NUP214: variants seen among roughly 807,000 people sequenced by gnomAD.
NUP214 encodes nucleoporin 214, also known as nuclear pore complex protein Nup214.
In NUP214, 79 loss-of-function variants were observed where a neutral mutation model predicts 196.2. The observed-to-expected ratio is 0.40, with a 90% CI of 0.34 to 0.49. The LOEUF (loss-of-function observed/expected upper bound fraction) is 0.49, where lower values mean the gene tolerates loss of function less well. Ranked by LOEUF, NUP214 falls within the 20% of genes least tolerant of loss-of-function variation. The pLI, the probability that NUP214 is intolerant of heterozygous loss-of-function variation, is 0.58. For missense variants in NUP214, 2,468 were observed against 2,539.0 expected, an observed-to-expected ratio of 0.97 and a Z score of 0.60; for synonymous variants, 1,020 against 990.5, an observed-to-expected ratio of 1.03 and a Z score of -0.56.
chr9:131,133,617 T>G (rs898997036), intron 7 of NUP214: 1 of 153,986 alleles, frequency 6.5e-6, no homozygotes, highest in Non-Finnish European at 1.4e-5. Context: ...TTTCAGGTTC[T>G]TTTACTTACT....
At chr9:131,148,634 T>C (rs534186896) in intron 14 of NUP214, among the ~76,000 whole-genome samples, 2 of 152,350 alleles carry the variant, frequency 1.3e-5, no homozygotes, top group African/African-American at 4.8e-5. Context: ...TGTATTTCTC[T>C]AATGATTAGC....
intron 1 of NUP214, among the ~76,000 whole-genome samples, chr9:131,126,683 T>C (rs572147416): frequency 5.7e-4 from 86 of 151,876 alleles, no homozygotes; most frequent in Non-Finnish European, 1.1e-3. Flanking sequence ...TAGTAGCTGG[T>C]ATTACAGGCG....
rs539221230 is a variant in NUP214, at chr9:131,145,999, G to A, written c.1770-130G>A. ...TAGCTAAACATTTTTGTTTCCTGAA[G>A]GCAAAAAGTATGTTATCTTTGTAAG... On this transcript the variant is annotated intron_variant, in intron 12 of 35. Coordinates refer to ENST00000359428, the MANE Select transcript of NUP214 (RefSeq NM_005085.4). The A allele has an allele frequency of 2.4e-4, 210 of 884,152 alleles. No homozygotes were observed. The highest frequency in any genetic ancestry group is 1.0e-3 in the Middle Eastern group (3 of 2,880). 54.8% of individuals were successfully genotyped at this position (884,152 alleles called of 1,614,324 possible).
At chr9:131,194,758 A>G (rs1245589914) in intron 27 of NUP214, among the ~76,000 whole-genome samples, 8 of 152,188 alleles carry the variant, frequency 5.3e-5, no homozygotes, top group African/African-American at 1.7e-4. Context: ...TGTTTTCCCT[A>G]GCAGTGTGGG....
Position 131,233,719 on chromosome 9 carries a change from T to A in NUP214, c.*232T>A. On this transcript the variant is annotated 3_prime_UTR_variant, in exon 36 of 36. Coordinates refer to ENST00000359428, the MANE Select transcript of NUP214 (RefSeq NM_005085.4). ...GTTTCCGTACAGAACGTATGTGGGT[T>A]TTTTCAGATCACAGCCAAGAAGATT... is the stretch of plus-strand genomic sequence containing the variant. 1 of 552,028 alleles carries A rather than the reference T, an allele frequency of 1.8e-6. No homozygotes were observed. The highest frequency in any genetic ancestry group is 3.3e-5 in the East Asian group (1 of 30,288). 34.2% of individuals were successfully genotyped at this position (552,028 alleles called of 1,614,324 possible). A position where few individuals can be genotyped will look rare whatever the true frequency, so the allele number is the denominator to read the frequency against.
At chr9:131,147,433 T>C in intron 13 of NUP214, 57 bp from the exon 14 acceptor site, 2 of 1,237,542 alleles carry the variant, frequency 1.6e-6, no homozygotes, top group Non-Finnish European at 2.3e-6. Flanking sequence ...ACATTTGTGA[T>C]AGGAGAAATA....
chr9:131,146,094 G>A lies in NUP214; in HGVS notation c.1770-35G>A. On this transcript the variant is annotated intron_variant, in intron 12 of 35. Coordinates refer to ENST00000359428, the MANE Select transcript of NUP214 (RefSeq NM_005085.4). This position sits in a 1 kb window ranked among gnomAD's most constrained non-coding sequence, Gnocchi z 4.6. ...GCTAGTGTAAAAGAATCTTCTAGCA[G>A]GCTCTTCTGAGGCCTTCAGGCTGCC... The A allele has an allele frequency of 6.2e-7, 1 of 1,602,722 alleles. No homozygotes were observed. The highest frequency in any genetic ancestry group is 8.5e-7 in the Non-Finnish European group (1 of 1,170,362).
At chr9:131,129,586 C>G in intron 4 of NUP214, 109 bp downstream of exon 4, 1 of 1,019,080 alleles carries the variant, frequency 9.8e-7, no homozygotes, top group Admixed American at 2.1e-5. Flanking sequence ...TTTTTTTTTT[C>G]ATGACGAGGG....
At chr9:131,178,214 C>A in intron 23 of NUP214, 97 bp from the exon 24 acceptor site, 2 of 839,514 alleles carry the variant, frequency 2.4e-6, no homozygotes, top group South Asian at 1.5e-5. Flanking sequence ...CTCTAATCTG[C>A]TTGGGCTCAT....
chr9:131,129,746 G>A (rs1449885174), intron 4 of NUP214, among the ~76,000 whole-genome samples: 1 of 152,046 alleles, frequency 6.6e-6, no homozygotes, highest in African/African-American at 2.4e-5. Context: ...TGGGATTATA[G>A]ACATGCGCCA....
At chr9:131,220,732 T>G (rs1035004025) in intron 31 of NUP214, among the ~76,000 whole-genome samples, 3 of 152,226 alleles carry the variant, frequency 2.0e-5, no homozygotes, top group African/African-American at 7.2e-5. Flanking sequence ...GATAGTTAAG[T>G]CCTTGCCCAG....
intron 30 of NUP214, among the ~76,000 whole-genome samples, chr9:131,208,744 A>G (rs921256849): frequency 6.8e-6 from 1 of 146,230 alleles, no homozygotes; most frequent in Non-Finnish European, 1.5e-5. Context: ...TCGGCTGGGC[A>G]TGGTGGCTCA....
Position 131,232,222 on chromosome 9 carries a change from G to A in NUP214, c.6215-62G>A, listed in dbSNP as rs2131114729. On this transcript the variant is annotated intron_variant, in intron 34 of 35. Transcript: ENST00000359428. This position sits in a 1 kb window ranked among gnomAD's most constrained non-coding sequence, Gnocchi z 5.1. ...CAGAGGAGGGCAGACACTTAGCATG[G>A]GGACCACCTTTGTCTTTCGAGTGGA... 6.3e-7 allele frequency: 1 copy of A among 1,590,136 alleles called. No homozygotes were observed. The highest frequency in any genetic ancestry group is 1.7e-4 in the Middle Eastern group (1 of 6,014).
chr9:131,137,933 A>T (rs543483356), intron 9 of NUP214, among the ~76,000 whole-genome samples: 20 of 152,204 alleles, frequency 1.3e-4, no homozygotes, highest in African/African-American at 4.6e-4. Flanking sequence ...TCCAGTTGTT[A>T]TCTGCGTCTT....
At chr9:131,138,857 G>A (rs1375004817) in intron 9 of NUP214, among the ~76,000 whole-genome samples, 1 of 152,202 alleles carries the variant, frequency 6.6e-6, no homozygotes, top group Non-Finnish European at 1.5e-5. Flanking sequence ...AAAGACTGCA[G>A]TAGAGATCAG....
At position 131,233,995 on chromosome 9, in the gene NUP214, G is replaced by A. The variant is rs994256997; in HGVS notation, c.*508G>A. The A allele has an allele frequency of 1.1e-5, 3 of 274,260 alleles. No homozygotes were observed. The Admixed American group carries it at 1.5e-4, about 14-fold the overall frequency. 17.0% of individuals were successfully genotyped at this position (274,260 alleles called of 1,614,324 possible). A position where few individuals can be genotyped will look rare whatever the true frequency, so the allele number is the denominator to read the frequency against. The stretch of plus-strand genomic sequence containing the variant: ...GCCATTGTGTATCAGGACCATCCAA[G>A]GACGCACTCTGCGATTGAGTGGAGG... On this transcript the variant is annotated 3_prime_UTR_variant, in exon 36 of 36. Coordinates refer to ENST00000359428, the MANE Select transcript of NUP214 (RefSeq NM_005085.4).
At chr9:131,147,372 A>G in intron 13 of NUP214, 118 bp from the exon 14 acceptor site, 1 of 723,632 alleles carries the variant, frequency 1.4e-6, no homozygotes, top group Non-Finnish European at 2.4e-6. Flanking sequence ...ATAAATCATG[A>G]AAGTGGGCCA....
intron 6 of NUP214, 173 bp downstream of exon 6, chr9:131,132,832 C>T (rs894584445): frequency 1.9e-5 from 12 of 640,516 alleles, no homozygotes; most frequent in African/African-American, 1.8e-4. Flanking sequence ...CTCTGGGTGA[C>T]ATCTGTGTTT....
In NUP214 at chr9:131,198,306, A is replaced by G. The variant is rs1449482829; in HGVS notation, c.4812A>G (p.Ala1604=). The change falls in exon 29 of 36, where the codon GCA becomes GCG. Residue 1604 remains alanine, a synonymous_variant. Coordinates refer to ENST00000359428, the MANE Select transcript of NUP214 (RefSeq NM_005085.4). ...TCACAGCAGCTGCTATCTCAAGTGC[A>G]GGCCCTGTGGCCGTCGAAACATCAA... ...TAVTAAAISS[A]GPVAVETSST... is the part of the protein sequence containing the mutation. 1.2e-6 allele frequency: 2 copies of G among 1,614,234 alleles called. No individual in the cohort carries two copies. The highest frequency in any genetic ancestry group is 1.7e-6 in the Non-Finnish European group (2 of 1,180,024).
Sources: gnomAD v4.1 joint callset for allele counts (sites outside exome capture counted in the v4.1 genomes callset) on GRCh38, gnomAD v4.1.1 for gene constraint, Gnocchi (gnomAD v3.1) non-coding constraint, MANE v1.5 for transcripts, NCBI Gene and HGNC (gene_info 2026-07-23, HGNC 2026-07-21) for gene names.